The following SNRPN variants were observed in gnomAD, a reference collection of about 807,000 sequenced individuals.
SNRPN encodes the protein small nuclear ribonucleoprotein-associated protein N.
A neutral mutation model predicts 25.2 loss-of-function variants in SNRPN; 7 were observed. That is an observed-to-expected ratio of 0.28 (90% CI 0.16 to 0.52). SNRPN has a LOEUF of 0.52. Among genes scored for constraint, SNRPN ranks in the 20% least tolerant of loss-of-function variants. The pLI, the probability that SNRPN is intolerant of heterozygous loss-of-function variation, is 0.96. For missense variants in SNRPN, 196 were observed against 322.5 expected, an observed-to-expected ratio of 0.61 and a Z score of 3.00; for synonymous variants, 124 against 110.6, an observed-to-expected ratio of 1.12 and a Z score of -0.76.
chr15:24,917,046 T>C (rs535711747), intron 2 of SNRPN, among the ~76,000 whole-genome samples: 126 of 152,270 alleles, frequency 8.3e-4, no homozygotes, highest in Non-Finnish European at 1.4e-3. Flanking sequence ...TGGTCCATTT[T>C]ACAGGGTGCT....
At chr15:24,971,603 A>G (rs2076416348) in intron 3 of SNRPN, among the ~76,000 whole-genome samples, 1 of 152,072 alleles carries the variant, frequency 6.6e-6, no homozygotes, top group Non-Finnish European at 1.5e-5. Context: ...TCTTTGGGCC[A>G]TAACTCACAT....
chr15:24,885,995 C>A (rs75607465), intron 1 of SNRPN, among the ~76,000 whole-genome samples: 7,860 of 152,168 alleles, frequency 0.052, 267 homozygotes, highest in Non-Finnish European at 0.073. Flanking sequence ...CAGTACATAG[C>A]CTCACTTCTC....
At chr15:24,900,922 T>C (rs980891551) in intron 2 of SNRPN, among the ~76,000 whole-genome samples, 2 of 151,992 alleles carry the variant, frequency 1.3e-5, no homozygotes, top group African/African-American at 4.8e-5. Flanking sequence ...TAAAGAGACC[T>C]TGTATCTACA....
At chr15:24,897,534 A>G (rs1173801649) in intron 2 of SNRPN, among the ~76,000 whole-genome samples, 1 of 152,210 alleles carries the variant, frequency 6.6e-6, no homozygotes, top group Non-Finnish European at 1.5e-5. Flanking sequence ...ACAGTGAGCT[A>G]TGATCACACC....
intron 2 of SNRPN, among the ~76,000 whole-genome samples, chr15:24,963,009 T>C (rs897542721): frequency 4.4e-4 from 67 of 152,024 alleles, no homozygotes; most frequent in African/African-American, 1.6e-3. Context: ...CCAACTTAAC[T>C]GGCCTTTTCC....
intron 2 of SNRPN, among the ~76,000 whole-genome samples, chr15:24,834,203 C>T (rs1050575059): frequency 2.0e-5 from 3 of 152,118 alleles, no homozygotes; most frequent in Non-Finnish European, 4.4e-5. Context: ...GGATTACAGG[C>T]GTGAGCCACT....
At chr15:24,921,897 G>A (rs1566914481) in intron 3 of SNRPN, among the ~76,000 whole-genome samples, 1 of 151,882 alleles carries the variant, frequency 6.6e-6, no homozygotes, top group Admixed American at 6.6e-5. Flanking sequence ...ATATGTTAGT[G>A]ACGATAAAAA....
At chr15:24,866,255 G>A (rs1206322784) in intron 1 of SNRPN, among the ~76,000 whole-genome samples, 2 of 147,776 alleles carry the variant, frequency 1.4e-5, no homozygotes, top group Non-Finnish European at 3.0e-5. Flanking sequence ...TTAAATAACA[G>A]ATAAAATGAG....
At chr15:24,881,748 AT>A (rs1434455669) in intron 1 of SNRPN, among the ~76,000 whole-genome samples, 1 of 152,194 alleles carries the variant, frequency 6.6e-6, no homozygotes. Flanking sequence ...GTGCATCTAG[AT>A]TTTGAAGTCA....
intron 2 of SNRPN, among the ~76,000 whole-genome samples, chr15:24,910,565 C>A (rs1209795058): frequency 1.3e-5 from 2 of 152,028 alleles, no homozygotes; most frequent in South Asian, 4.1e-4. Flanking sequence ...GATCTCGGCT[C>A]ACTGCAACCT....
intron 2 of SNRPN, among the ~76,000 whole-genome samples, chr15:24,966,538 C>G (rs1054822353): frequency 6.6e-6 from 1 of 152,126 alleles, no homozygotes. Context: ...CTCAAAACCC[C>G]AACCCTTTAG....
Position 24,955,167 on chromosome 15 carries a change from A to G in SNRPN, c.-391+105A>G, listed in dbSNP as rs75182612. Reference sequence around the variant, plus strand: ...GGACTTGGAGTACTGAATAAACGGAATTTGGGCCCTAAAGTCCTTTGTTCT... The same window carrying G: ...GGACTTGGAGTACTGAATAAACGGAGTTTGGGCCCTAAAGTCCTTTGTTCT... On this transcript the variant is annotated intron_variant, in intron 1 of 9. Coordinates refer to ENST00000390687, the MANE Select transcript of SNRPN (RefSeq NM_003097.6). 7.9e-3 allele frequency: 11,731 copies of G among 1,478,184 alleles called. 773 individuals are homozygous for G. In the African/African-American group the frequency reaches 0.14, roughly 18 times the overall value. 91.6% of individuals were successfully genotyped at this position (1,478,184 alleles called of 1,614,324 possible). A position where few individuals can be genotyped will look rare whatever the true frequency, so the allele number is the denominator to read the frequency against.
Position 24,929,960 on chromosome 15 carries a change from G to T in SNRPN, c.-391+9836G>T, listed in dbSNP as rs1354169171. Among the ~76,000 whole-genome samples, 1 of 152,006 alleles carries T rather than the reference G, an allele frequency of 6.6e-6. No homozygotes were observed. Among genetic ancestry groups the T allele is most frequent in the Non-Finnish European group, 1.5e-5 (1 of 68,010 alleles). On this transcript the variant is annotated intron_variant, in intron 3 of 11. Coordinates refer to the SNRPN transcript ENST00000400097. This position sits in a 1 kb window ranked among gnomAD's most constrained non-coding sequence, Gnocchi z 5.3. The stretch of plus-strand genomic sequence containing the variant: ...CCCAGCACTTTGGGAGGCCAAGGCG[G>T]GTGGATCACGAGGTCAGGAGATCAA...
intron 3 of SNRPN, among the ~76,000 whole-genome samples, chr15:24,923,120 G>A (rs893212575): frequency 2.0e-5 from 3 of 151,982 alleles, no homozygotes; most frequent in Non-Finnish European, 4.4e-5. Context: ...TGTCCAGGCT[G>A]GTCTCGAACT....
At chr15:24,935,609 T>C (rs551205430) in intron 3 of SNRPN, among the ~76,000 whole-genome samples, 2 of 152,154 alleles carry the variant, frequency 1.3e-5, no homozygotes, top group Non-Finnish European at 2.9e-5. Context: ...CGCCAAGAAG[T>C]CTGGACTGGA....
At chr15:24,857,127 T>C (rs1287492037) in intron 1 of SNRPN, among the ~76,000 whole-genome samples, 1 of 152,244 alleles carries the variant, frequency 6.6e-6, no homozygotes, top group South Asian at 2.1e-4. Flanking sequence ...ATTTGCATTA[T>C]ATTGTTTAGC....
At chr15:24,972,806 T>C (rs1159074013) in intron 3 of SNRPN, among the ~76,000 whole-genome samples, 2 of 151,992 alleles carry the variant, frequency 1.3e-5, no homozygotes, top group African/African-American at 4.8e-5. Context: ...CATTAACAAT[T>C]CCGTTCAACA....
At chr15:24,960,920 GAA>G (rs2074688780) in intron 1 of SNRPN, among the ~76,000 whole-genome samples, 1 of 152,126 alleles carries the variant, frequency 6.6e-6, no homozygotes, top group Admixed American at 6.6e-5. Context: ...TCTGTCACCT[GAA>G]AAAGTTTCTT....
At chr15:24,887,362 G>A (rs1390939112) in intron 2 of SNRPN, among the ~76,000 whole-genome samples, 1 of 151,992 alleles carries the variant, frequency 6.6e-6, no homozygotes, top group African/African-American at 2.4e-5. Flanking sequence ...TGGCCAGGCT[G>A]CTCTCAAACT....
Sources: gnomAD v4.1 joint callset for allele counts (sites outside exome capture counted in the v4.1 genomes callset) on GRCh38, gnomAD v4.1.1 for gene constraint, Gnocchi (gnomAD v3.1) non-coding constraint, MANE v1.5 for transcripts, NCBI Gene and HGNC (gene_info 2026-07-23, HGNC 2026-07-21) for gene names.